ITGB6: variants seen among roughly 807,000 people sequenced by gnomAD.
ITGB6 encodes integrin beta-6.
A neutral mutation model predicts 84.5 loss-of-function variants in ITGB6; 80 were observed. The observed-to-expected ratio is 0.95, with a 90% CI of 0.79 to 1.14. The LOEUF (loss-of-function observed/expected upper bound fraction) is 1.14, where lower values mean the gene tolerates loss of function less well. Ranked by LOEUF, ITGB6 falls within the 50% of genes most tolerant of loss-of-function variation. ITGB6 has a pLI of 0.00. For missense variants in ITGB6, 1,006 were observed against 968.0 expected, an observed-to-expected ratio of 1.04 and a Z score of -0.52; for synonymous variants, 383 against 354.9, an observed-to-expected ratio of 1.08 and a Z score of -0.89.
At chr2:160,117,083 C>T (rs1037971959) in intron 12 of ITGB6, among the ~76,000 whole-genome samples, 3 of 151,100 alleles carry the variant, frequency 2.0e-5, no homozygotes, top group Non-Finnish European at 4.4e-5. Flanking sequence ...TAACACCCCA[C>T]TGTCAACATT....
intron 7 of ITGB6, among the ~76,000 whole-genome samples, chr2:160,155,987 G>T (rs1381752548): frequency 6.6e-6 from 1 of 152,190 alleles, no homozygotes; most frequent in African/African-American, 2.4e-5. Flanking sequence ...TGGAAAACTA[G>T]TTAGCAGTAT....
At chr2:160,168,545 G>GA (rs927359668) in intron 7 of ITGB6, among the ~76,000 whole-genome samples, 4 of 151,888 alleles carry the variant, frequency 2.6e-5, no homozygotes, top group South Asian at 4.2e-4. Context: ...CCTAGGCTGG[G>GA]AAAAAAAACC....
At chr2:160,168,563 T>C (rs1685091057) in intron 7 of ITGB6, among the ~76,000 whole-genome samples, 1 of 152,154 alleles carries the variant, frequency 6.6e-6, no homozygotes, top group African/African-American at 2.4e-5. Flanking sequence ...ACCACAGAAA[T>C]CTTTTGTATG....
At position 160,172,723 on chromosome 2, in the gene ITGB6, A is replaced by G. The variant is rs532660177; in HGVS notation, c.767T>C (p.Ile256Thr). ...IMQAAVCKEK[I>T]GWRNDSLHLL... The stretch of plus-strand genomic sequence containing the variant: ...GTGGAGGGAGTCATTCCGCCAGCCA[A>G]TTTTTTCCTACAGTGAGAAAGAAAC... The change falls in exon 6 of 15, where the codon ATT becomes ACT. Residue 256 changes from isoleucine (I) to threonine (T), a missense_variant. By Grantham distance (89) the Ile-to-Thr change is moderately conservative. Transcript: ENST00000283249. The G allele has an allele frequency of 1.8e-5, 28 of 1,593,264 alleles. No individual in the cohort carries two copies. The East Asian group carries it at 5.6e-4, about 32-fold the overall frequency.
At chr2:160,155,117 T>C (rs960108923) in intron 7 of ITGB6, among the ~76,000 whole-genome samples, 1 of 152,196 alleles carries the variant, frequency 6.6e-6, no homozygotes, top group Non-Finnish European at 1.5e-5. Flanking sequence ...CAGCCATGCT[T>C]CCTGTACAGC....
chr2:160,125,926 C>T (rs1360714900), intron 11 of ITGB6, among the ~76,000 whole-genome samples: 2 of 152,094 alleles, frequency 1.3e-5, no homozygotes. Flanking sequence ...GCCTTTTTGC[C>T]TCTGTGAGCC....
At chr2:160,150,636 T>A (rs1684377171) in intron 7 of ITGB6, among the ~76,000 whole-genome samples, 1 of 152,204 alleles carries the variant, frequency 6.6e-6, no homozygotes, top group Non-Finnish European at 1.5e-5. Context: ...AGGGGCTAAA[T>A]GTCCCAATTA....
intron 13 of ITGB6, among the ~76,000 whole-genome samples, chr2:160,109,928 A>G (rs1311170940): frequency 6.6e-6 from 1 of 152,236 alleles, no homozygotes; most frequent in African/African-American, 2.4e-5. Context: ...AAAATATCTC[A>G]GCTTTTATAC....
chr2:160,117,804 T>C (rs889286919), intron 12 of ITGB6, among the ~76,000 whole-genome samples: 2 of 151,908 alleles, frequency 1.3e-5, no homozygotes, highest in Non-Finnish European at 2.9e-5. Context: ...AAGAATCAGA[T>C]AGATGCAATA....
At position 160,100,982 on chromosome 2, in the gene ITGB6, T is replaced by G. The variant is rs1696694823; in HGVS notation, c.*754A>C. 6.6e-6 allele frequency: 1 copy of G among 152,080 alleles called. No individual in the cohort carries two copies. The highest frequency in any genetic ancestry group is 6.5e-5 in the Admixed American group (1 of 15,274). The allele number at this position is 152,080 out of a possible 1,614,324, so 9.4% of individuals were successfully genotyped here. The stretch of plus-strand genomic sequence containing the variant: ...GAGAAATATGGGAGAAGTAACAGTT[T>G]GAAAACTCAGAGTCAAAAAGGAAAC... On this transcript the variant is annotated 3_prime_UTR_variant, in exon 15 of 15. Transcript: ENST00000283249.
intron 7 of ITGB6, among the ~76,000 whole-genome samples, chr2:160,158,195 A>G (rs139569063): frequency 7.3e-4 from 111 of 152,254 alleles, no homozygotes; most frequent in African/African-American, 2.5e-3. Flanking sequence ...TGCTAATTAG[A>G]TCAGGTGCTT....
chr2:160,114,633 T>C (rs1229267189), intron 12 of ITGB6, among the ~76,000 whole-genome samples: 1 of 152,144 alleles, frequency 6.6e-6, no homozygotes, highest in Non-Finnish European at 1.5e-5. Context: ...TTCATCTCAC[T>C]AGGGAGTGCC....
At chr2:160,170,078 CAAGT>C (rs1685146336) in intron 6 of ITGB6, among the ~76,000 whole-genome samples, 2 of 151,864 alleles carry the variant, frequency 1.3e-5, no homozygotes, top group South Asian at 2.1e-4. Context: ...AGAGGAAACT[CAAGT>C]GAGGTACTAG....
chr2:160,158,197 C>T (rs1306872849), intron 7 of ITGB6, among the ~76,000 whole-genome samples: 2 of 152,184 alleles, frequency 1.3e-5, no homozygotes, highest in Non-Finnish European at 2.9e-5. Flanking sequence ...CTAATTAGAT[C>T]AGGTGCTTGA....
intron 12 of ITGB6, among the ~76,000 whole-genome samples, chr2:160,116,674 A>T (rs1214454631): frequency 6.6e-6 from 1 of 152,228 alleles, no homozygotes; most frequent in African/African-American, 2.4e-5. Context: ...TATTAACTTT[A>T]AATGTAAATG....
At chr2:160,169,160 T>A in intron 7 of ITGB6, 52 bp downstream of exon 7, 1 of 1,042,208 alleles carries the variant, frequency 9.6e-7, no homozygotes, top group Non-Finnish European at 1.5e-6. Flanking sequence ...AATGTTAAAG[T>A]TTCATGTCAC....
chr2:160,144,085 C>T (rs928486207), intron 7 of ITGB6, among the ~76,000 whole-genome samples: 1 of 152,206 alleles, frequency 6.6e-6, no homozygotes, highest in Non-Finnish European at 1.5e-5. Flanking sequence ...GTTGCCCAGG[C>T]TGGAGTGCAG....
intron 14 of ITGB6, among the ~76,000 whole-genome samples, chr2:160,105,353 GT>G (rs1488111999): frequency 1.3e-5 from 2 of 152,098 alleles, no homozygotes; most frequent in Non-Finnish European, 1.5e-5. Flanking sequence ...AACAATTCAT[GT>G]TTTTGGGGAA....
chr2:160,118,948 C>A (rs1218959717), intron 12 of ITGB6, among the ~76,000 whole-genome samples: 1 of 152,102 alleles, frequency 6.6e-6, no homozygotes. Flanking sequence ...CCTAGGAATC[C>A]AACTTACAAG....
Sources: allele counts gnomAD v4.1 joint callset (sites outside exome capture counted in the v4.1 genomes callset), GRCh38; gene constraint gnomAD v4.1.1; transcripts MANE v1.5; gene names NCBI Gene and HGNC (gene_info 2026-07-23, HGNC 2026-07-21).